Variants in PABPC4L observed in about 807,000 individuals in gnomAD.
PABPC4L encodes polyadenylate-binding protein 4-like.
For missense variants in PABPC4L, 452 were observed against 451.4 expected (o/e 1.00, Z -0.01); for synonymous variants, 169 against 164.1 (o/e 1.03, Z -0.23).
the PABPC4L span, among the ~76,000 whole-genome samples, chr4:134,186,750 C>A: frequency 1.3e-5 from 2 of 152,078 alleles, no homozygotes; most frequent in South Asian, 4.1e-4. Context: ...TCAGCGTGAA[C>A]AGGCAACCTA....
At chr4:134,073,451 C>G in the PABPC4L span, among the ~76,000 whole-genome samples, 1 of 152,192 alleles carries the variant, frequency 6.6e-6, no homozygotes, top group Admixed American at 6.5e-5. Flanking sequence ...TATAGGCCCC[C>G]TGCTGGTTGC....
chr4:133,998,761 G>C, the PABPC4L span, among the ~76,000 whole-genome samples: 6 of 151,624 alleles, frequency 4.0e-5, no homozygotes, highest in East Asian at 1.2e-3. Context: ...ATGTTGGCAT[G>C]GAGTTGGATA....
chr4:134,110,488 T>C, the PABPC4L span, among the ~76,000 whole-genome samples: 1 of 151,044 alleles, frequency 6.6e-6, no homozygotes, highest in Non-Finnish European at 1.5e-5. Context: ...AAGTAACCAT[T>C]AATAAAATAG....
the PABPC4L span, among the ~76,000 whole-genome samples, chr4:134,111,089 T>C: frequency 6.6e-6 from 1 of 152,068 alleles, no homozygotes; most frequent in African/African-American, 2.4e-5. Context: ...GCCAGTAGTT[T>C]CAGTTATCTG....
At position 134,198,502 on chromosome 4, in the gene PABPC4L, A is replaced by G. The variant is rs756365644; in HGVS notation, c.*1405T>C. The G allele has an allele frequency of 9.9e-5, 15 of 151,002 alleles. No individual in the cohort carries two copies. The highest frequency in any genetic ancestry group is 2.1e-4 in the South Asian group (1 of 4,810). The allele number at this position is 151,002 out of a possible 1,614,324, so 9.4% of individuals were successfully genotyped here. ...TTTTACTATTTCTTTTATATTAGTA[A>G]TATATGAAATAGAGAATGTGAATAA... On this transcript the variant is annotated 3_prime_UTR_variant, in exon 2 of 2. Transcript: ENST00000421491.
the PABPC4L span, among the ~76,000 whole-genome samples, chr4:134,016,939 A>G: frequency 6.6e-6 from 1 of 152,108 alleles, no homozygotes; most frequent in Non-Finnish European, 1.5e-5. Context: ...AAACTAAAAT[A>G]TCTCTTAGTC....
chr4:134,008,208 T>C, the PABPC4L span, among the ~76,000 whole-genome samples: 4 of 151,844 alleles, frequency 2.6e-5, no homozygotes, highest in African/African-American at 7.2e-5. Context: ...AAACTGCATA[T>C]ACAGTGGCAT....
the PABPC4L span, among the ~76,000 whole-genome samples, chr4:134,039,278 G>A: frequency 3.3e-4 from 50 of 152,164 alleles, no homozygotes; most frequent in South Asian, 1.0e-3. Flanking sequence ...ACTATGTGGC[G>A]CTGAGAAGAA....
At chr4:134,053,324 T>C in the PABPC4L span, among the ~76,000 whole-genome samples, 1 of 152,140 alleles carries the variant, frequency 6.6e-6, no homozygotes, top group East Asian at 1.9e-4. Flanking sequence ...CGCTGCTGAA[T>C]GTGGATGGGC....
the PABPC4L span, among the ~76,000 whole-genome samples, chr4:134,132,628 A>G: frequency 6.6e-6 from 1 of 151,906 alleles, no homozygotes; most frequent in African/African-American, 2.4e-5. Context: ...GTAAACTAGT[A>G]CAACCACTAT....
chr4:134,200,269 T>A lies in PABPC4L; in HGVS notation c.751A>T (p.Asn251Tyr), dbSNP rs186982893. Residue 251 changes from asparagine (N) to tyrosine (Y), a missense_variant, in exon 2 of 2, where the codon AAT becomes TAT. Coordinates refer to ENST00000421491, the MANE Select transcript of PABPC4L (RefSeq NM_001114734.2). The part of the protein sequence containing the change: ...EAAKKAVEEM[N>Y]GRDINGQLIF... ...AGCTGCCCATTTATGTCCCTTCCATTCATTTCTTCAACAGCTTTCTTGGCA... is the reference window on the plus strand; with the variant it reads ...AGCTGCCCATTTATGTCCCTTCCATACATTTCTTCAACAGCTTTCTTGGCA... The A allele has an allele frequency of 9.6e-6, 15 of 1,561,326 alleles. No individual in the cohort carries two copies. The Admixed American group carries it at 2.9e-4, about 30-fold the overall frequency.
At chr4:134,193,264 A>G (rs533907693), downstream of PABPC4L, among the ~76,000 whole-genome samples, 1 of 152,072 alleles carries the variant, frequency 6.6e-6, no homozygotes, top group South Asian at 2.1e-4. Context: ...TTATTATGCA[A>G]CAGAGCTTCT....
chr4:133,958,494 G>A, the PABPC4L span, among the ~76,000 whole-genome samples: 2 of 152,076 alleles, frequency 1.3e-5, no homozygotes, highest in Non-Finnish European at 2.9e-5. Flanking sequence ...CTACATTTTG[G>A]GGTATCTTTA....
the PABPC4L span, among the ~76,000 whole-genome samples, chr4:134,140,512 G>A: frequency 6.6e-6 from 1 of 151,780 alleles, no homozygotes; most frequent in Non-Finnish European, 1.5e-5. Flanking sequence ...ATAGGATGGT[G>A]TGTAGCACAC....
chr4:134,089,279 A>G, the PABPC4L span, among the ~76,000 whole-genome samples: 2 of 152,078 alleles, frequency 1.3e-5, no homozygotes, highest in Non-Finnish European at 2.9e-5. Context: ...TTAAAGCAAT[A>G]TTGAACAGAA....
At chr4:133,995,864 A>G in the PABPC4L span, among the ~76,000 whole-genome samples, 362 of 152,252 alleles carry the variant, frequency 2.4e-3, 4 homozygotes, top group African/African-American at 8.3e-3. Context: ...GACCAGTCCC[A>G]TGTGGGTATA....
At chr4:133,984,644 A>G in the PABPC4L span, among the ~76,000 whole-genome samples, 1 of 151,916 alleles carries the variant, frequency 6.6e-6, no homozygotes, top group African/African-American at 2.4e-5. Flanking sequence ...TACTTGGGCC[A>G]GTAGGTGTGA....
chr4:134,145,929 G>A, the PABPC4L span, among the ~76,000 whole-genome samples: 27 of 151,768 alleles, frequency 1.8e-4, no homozygotes, highest in Non-Finnish European at 3.1e-4. Flanking sequence ...TTTAAAAATG[G>A]TCCTAAATGC....
At chr4:134,071,917 G>A in the PABPC4L span, among the ~76,000 whole-genome samples, 2 of 152,230 alleles carry the variant, frequency 1.3e-5, no homozygotes, top group African/African-American at 4.8e-5. Flanking sequence ...AGTGGAAAGA[G>A]GGGTTCCTTT....
Sources: gnomAD v4.1 joint callset for allele counts (sites outside exome capture counted in the v4.1 genomes callset) on GRCh38, gnomAD v4.1.1 for gene constraint, MANE v1.5 for transcripts, NCBI Gene and HGNC (gene_info 2026-07-23, HGNC 2026-07-21) for gene names.